The following SOS1 variants were observed in gnomAD, a reference collection of about 807,000 sequenced individuals.
SOS1 encodes the protein SOS Ras/Rac guanine nucleotide exchange factor 1, also known as son of sevenless homolog 1.
A neutral mutation model predicts 157.6 loss-of-function variants in SOS1; 25 were observed. The ratio of observed to expected loss-of-function variants is 0.16; its 90% CI spans 0.12 to 0.22. SOS1 has a LOEUF of 0.22. Among genes scored for constraint, SOS1 ranks in the 10% least tolerant of loss-of-function variants. SOS1 has a pLI of 1.00. For synonymous variants in SOS1, 528 were observed against 534.0 expected (o/e 0.99, Z 0.16); for missense variants, 1,237 against 1,599.1 (o/e 0.77, Z 3.86).
chr2:39,039,558 G>A (rs573637001), intron 6 of SOS1, among the ~76,000 whole-genome samples: 7 of 152,142 alleles, frequency 4.6e-5, no homozygotes, highest in African/African-American at 9.6e-5. Flanking sequence ...ATGGTTGTGC[G>A]CCATTTATTT....
chr2:39,002,434 G>A (rs1669133524), intron 17 of SOS1, among the ~76,000 whole-genome samples: 1 of 152,180 alleles, frequency 6.6e-6, no homozygotes, highest in African/African-American at 2.4e-5. Flanking sequence ...GGATGTTACA[G>A]GAGCAGGGGC....
At chr2:39,117,294 C>T (rs1256445260) in intron 1 of SOS1, among the ~76,000 whole-genome samples, 1 of 152,162 alleles carries the variant, frequency 6.6e-6, no homozygotes, top group African/African-American at 2.4e-5. Flanking sequence ...TCCCAAAGTG[C>T]TGGATTACAG....
intron 1 of SOS1, among the ~76,000 whole-genome samples, chr2:39,102,064 G>C (rs970929699): frequency 6.6e-6 from 1 of 151,556 alleles, no homozygotes; most frequent in African/African-American, 2.4e-5. Flanking sequence ...AAATTAGCCA[G>C]GCGTGGTGGC....
intron 1 of SOS1, among the ~76,000 whole-genome samples, chr2:39,084,855 C>A (rs1023583200): frequency 2.0e-5 from 3 of 152,020 alleles, no homozygotes; most frequent in Non-Finnish European, 2.9e-5. Flanking sequence ...GAGTTCCCAC[C>A]AATAAAGCAA....
chr2:39,097,545 G>A (rs1051116010), intron 1 of SOS1, among the ~76,000 whole-genome samples: 12 of 151,214 alleles, frequency 7.9e-5, no homozygotes, highest in Admixed American at 3.3e-4. Flanking sequence ...TAAAGCACAA[G>A]ACCTCTTTTT....
Position 39,054,839 on chromosome 2 carries a change from T to G in SOS1, c.511-16A>C, listed in dbSNP as rs753994331. On this transcript the variant is annotated splice_polypyrimidine_tract_variant and intron_variant, in intron 4 of 22. Coordinates refer to ENST00000402219, the MANE Select transcript of SOS1 (RefSeq NM_005633.4). ...CCATCAATACCTATACAGTCAGAGA[T>G]ATAAAAAAGTATAATAAAATATGAA... 11 of 1,155,982 alleles carry G rather than the reference T, an allele frequency of 9.5e-6. No individual in the cohort carries two copies. Among genetic ancestry groups the G allele is most frequent in the African/African-American group, 1.5e-5 (1 of 65,860 alleles). 71.6% of individuals were successfully genotyped at this position (1,155,982 alleles called of 1,614,324 possible). A position where few individuals can be genotyped will look rare whatever the true frequency, so the allele number is the denominator to read the frequency against.
At chr2:39,045,145 T>C (rs1328169673) in intron 6 of SOS1, among the ~76,000 whole-genome samples, 2 of 152,054 alleles carry the variant, frequency 1.3e-5, no homozygotes, top group Admixed American at 6.6e-5. Context: ...TGCTTATTTT[T>C]CCCCAAAAAT....
At position 38,997,606 on chromosome 2, in the gene SOS1, A is replaced by AT. The variant is rs4015854; in HGVS notation, c.2792-182dup. Among the ~76,000 whole-genome samples the AT allele has an allele frequency of 0.043, 6,270 of 146,216 alleles. 357 individuals are homozygous for AT. Among genetic ancestry groups the AT allele is most frequent in the African/African-American group, 0.13 (5,048 of 39,992 alleles). ...GAGAAAGTATCTGTGAAAGACTTAA[A>AT]TTTTTTTTTTTTTTTCCTCATCAGA... On this transcript the variant is annotated intron_variant, in intron 17 of 22. Coordinates refer to ENST00000402219, the MANE Select transcript of SOS1 (RefSeq NM_005633.4).
chr2:39,100,259 AG>A, intron 1 of SOS1, among the ~76,000 whole-genome samples: 1 of 152,214 alleles, frequency 6.6e-6, no homozygotes, highest in East Asian at 1.9e-4. Flanking sequence ...ACAGTAATGG[AG>A]GTTCCTCAAA....
chr2:39,106,696 C>A (rs1002489280), intron 1 of SOS1, among the ~76,000 whole-genome samples: 2 of 152,030 alleles, frequency 1.3e-5, no homozygotes, highest in Non-Finnish European at 2.9e-5. Context: ...CTCCCAACTC[C>A]AACAGGAAGT....
chr2:39,065,850 A>T (rs1671571203), intron 2 of SOS1, among the ~76,000 whole-genome samples: 1 of 152,182 alleles, frequency 6.6e-6, no homozygotes, highest in Admixed American at 6.5e-5. Flanking sequence ...AGTGAACAAC[A>T]ACAACAAAAA....
Position 38,985,536 on chromosome 2 carries a change from CAA to C in SOS1, c.*286_*287del. 5 of 391,928 alleles carry C rather than the reference CAA, an allele frequency of 1.3e-5. No homozygotes were observed. The highest frequency in any genetic ancestry group is 1.2e-4 in the South Asian group (5 of 41,578). The allele number at this position is 391,928 out of a possible 1,614,324, so 24.3% of individuals were successfully genotyped here. On this transcript the variant is annotated 3_prime_UTR_variant, in exon 23 of 23. Coordinates refer to ENST00000402219, the MANE Select transcript of SOS1 (RefSeq NM_005633.4). ...GATCACTTCACAAAAGATCACTTCACAAAAAGAGGACTCCTGCCTATTGGCCA... is the reference window on the plus strand; with the variant it reads ...GATCACTTCACAAAAGATCACTTCACAAAGAGGACTCCTGCCTATTGGCCA...
rs1558523754 is a variant in SOS1, at chr2:39,120,649, C to T, written c.-227G>A. 3 of 259,358 alleles carry T rather than the reference C, an allele frequency of 1.2e-5. No individual in the cohort carries two copies. Among genetic ancestry groups the T allele is most frequent in the Non-Finnish European group, 1.8e-5 (3 of 168,756 alleles). The allele number at this position is 259,358 out of a possible 1,614,324, so 16.1% of individuals were successfully genotyped here. On this transcript the variant is annotated 5_prime_UTR_variant, in exon 1 of 23. Coordinates refer to ENST00000402219, the MANE Select transcript of SOS1 (RefSeq NM_005633.4). ...TACCAGCCGTGGAGAACGGACGCGG[C>T]CCGGAGGCGGCGGCATCCCGCACCA... is the stretch of plus-strand genomic sequence containing the variant.
chr2:39,052,693 G>A (rs1671061783), intron 5 of SOS1, among the ~76,000 whole-genome samples: 1 of 152,140 alleles, frequency 6.6e-6, no homozygotes, highest in African/African-American at 2.4e-5. Context: ...ACATTCACCT[G>A]CTGATGGACA....
In SOS1 at chr2:38,982,514, C is replaced by T. The variant is rs1668434003; in HGVS notation, c.*3310G>A. 1 of 152,118 alleles carries T rather than the reference C, an allele frequency of 6.6e-6. No homozygotes were observed. The highest frequency in any genetic ancestry group is 2.4e-5 in the African/African-American group (1 of 41,428). 9.4% of individuals were successfully genotyped at this position (152,118 alleles called of 1,614,324 possible). A position where few individuals can be genotyped will look rare whatever the true frequency, so the allele number is the denominator to read the frequency against. On this transcript the variant is annotated 3_prime_UTR_variant, in exon 23 of 23. Coordinates refer to ENST00000402219, the MANE Select transcript of SOS1 (RefSeq NM_005633.4). ...GTTACTGGTAAAGATTAATGCAATA[C>T]AACAGGACCTATACTTGCGTAGTCA...
intron 1 of SOS1, among the ~76,000 whole-genome samples, chr2:39,117,361 C>T (rs1421582681): frequency 6.6e-6 from 1 of 152,064 alleles, no homozygotes; most frequent in African/African-American, 2.4e-5. Flanking sequence ...GTGTCAAGGG[C>T]AATACCTGGT....
intron 1 of SOS1, among the ~76,000 whole-genome samples, chr2:39,087,396 TAAG>T (rs1400239216): frequency 1.8e-4 from 28 of 152,240 alleles, no homozygotes; most frequent in Admixed American, 1.3e-3. Context: ...AAAGTGGTCT[TAAG>T]TCTATGGTTC....
intron 10 of SOS1, among the ~76,000 whole-genome samples, chr2:39,020,271 T>TTGTC (rs1669757469): frequency 6.6e-6 from 1 of 151,672 alleles, no homozygotes; most frequent in Non-Finnish European, 1.5e-5. Flanking sequence ...TAAAGTTGGC[T>TTGTC]GACACCACAG....
intron 1 of SOS1, among the ~76,000 whole-genome samples, chr2:39,082,323 T>C (rs534559619): frequency 3.3e-5 from 5 of 152,222 alleles, no homozygotes; most frequent in Admixed American, 1.3e-4. Flanking sequence ...AGCAGTATAG[T>C]AGGCATCTGG....
Sources: gnomAD v4.1 joint callset for allele counts (sites outside exome capture counted in the v4.1 genomes callset) on GRCh38, gnomAD v4.1.1 for gene constraint, MANE v1.5 for transcripts, NCBI Gene and HGNC (gene_info 2026-07-23, HGNC 2026-07-21) for gene names.